Variants in IL1F10 observed in about 807,000 individuals in gnomAD.
IL1F10 encodes interleukin-1 family member 10.
Under a neutral mutation model 13.1 loss-of-function variants are expected in IL1F10, and 13 were observed. The ratio of observed to expected loss-of-function variants is 0.99; its 90% CI spans 0.64 to 1.57. The LOEUF (loss-of-function observed/expected upper bound fraction) is 1.57, where lower values mean the gene tolerates loss of function less well. Among genes scored for constraint, IL1F10 ranks in the 40% most tolerant of loss-of-function variants. IL1F10 has a pLI of 0.00. For synonymous variants in IL1F10, 78 were observed against 68.2 expected (o/e 1.14, Z -0.71); for missense variants, 191 against 184.1 (o/e 1.04, Z -0.22).
Position 113,075,254 on chromosome 2 carries a change from T to C in IL1F10, c.349T>C (p.Trp117Arg), listed in dbSNP as rs1320417651. Residue 117 changes from tryptophan (W) to arginine (R), a missense_variant, in exon 5 of 5, where the codon TGG (tryptophan) becomes CGG (arginine). Coordinates refer to ENST00000341010, the MANE Select transcript of IL1F10 (RefSeq NM_173161.3). ...GSAFRLEAAA[W>R]PGWFLCGPAE... ...CGCCTTCAGGCTTGAGGCTGCTGCC[T>C]GGCCTGGCTGGTTCCTGTGTGGCCC... is the stretch of plus-strand genomic sequence containing the variant. The C allele has an allele frequency of 1.2e-6, 2 of 1,613,766 alleles. No individual in the cohort carries two copies. Among genetic ancestry groups the C allele is most frequent in the South Asian group, 1.1e-5 (1 of 91,028 alleles).
At chr2:113,071,864 G>A (rs959272993) in intron 1 of IL1F10, among the ~76,000 whole-genome samples, 1 of 151,788 alleles carries the variant, frequency 6.6e-6, no homozygotes, top group Admixed American at 6.6e-5. Flanking sequence ...AGATCTACTC[G>A]GTAAACCTCA....
Position 113,072,606 on chromosome 2 carries a change from G to A in IL1F10, c.-28-105G>A, listed in dbSNP as rs1038854809. On this transcript the variant is annotated intron_variant, in intron 1 of 4. Coordinates refer to ENST00000341010, the MANE Select transcript of IL1F10 (RefSeq NM_173161.3). ...CAGGCCAATTATAGACGAATGGCCT[G>A]GGGAACCCGTGCAGCCCTTGGCTGA... 3 of 707,058 alleles carry A rather than the reference G, an allele frequency of 4.2e-6. No individual in the cohort carries two copies. In the African/African-American group the frequency reaches 5.4e-5, roughly 13 times the overall value. The allele number at this position is 707,058 out of a possible 1,614,324, so 43.8% of individuals were successfully genotyped here. A position where few individuals can be genotyped will look rare whatever the true frequency, so the allele number is the denominator to read the frequency against.
In IL1F10 at chr2:113,074,861, T is replaced by C; in HGVS notation, c.246+11T>C. On this transcript the variant is annotated intron_variant, in intron 4 of 4. Transcript: ENST00000341010. The stretch of plus-strand genomic sequence containing the variant: ...TCCCTACAGCTGGAGGTGAGAGGCC[T>C]CTCCCCATTCTAGGGGACACTGCAG... 6.2e-7 allele frequency: 1 copy of C among 1,610,580 alleles called. No individual in the cohort carries two copies. Among genetic ancestry groups the C allele is most frequent in the Admixed American group, 1.7e-5 (1 of 59,642 alleles).
chr2:113,074,880 A>C, intron 4 of IL1F10, 30 bp downstream of exon 4: 5 of 1,606,406 alleles, frequency 3.1e-6, no homozygotes, highest in Non-Finnish European at 4.2e-6. Flanking sequence ...TCTAGGGGAC[A>C]CTGCAGACCT....
In IL1F10 at chr2:113,074,853, G is replaced by A. The variant is rs888186996; in HGVS notation, c.246+3G>A. 1 of 1,611,500 alleles carries A rather than the reference G, an allele frequency of 6.2e-7. No homozygotes were observed. Among genetic ancestry groups the A allele is most frequent in the East Asian group, 2.2e-5 (1 of 44,872 alleles). ...AGGGGCCTTCCCTACAGCTGGAGGTGAGAGGCCTCTCCCCATTCTAGGGGA... is the reference window on the plus strand; with the variant it reads ...AGGGGCCTTCCCTACAGCTGGAGGTAAGAGGCCTCTCCCCATTCTAGGGGA... On this transcript the variant is annotated splice_donor_region_variant and intron_variant, in intron 4 of 4. Transcript: ENST00000341010.
chr2:113,074,560 G>A, intron 3 of IL1F10, 146 bp downstream of exon 3: 2 of 1,090,144 alleles, frequency 1.8e-6, no homozygotes, highest in Non-Finnish European at 2.8e-6. Context: ...TCCTAGCGAG[G>A]GGACATGACT....
chr2:113,071,977 G>A (rs1399000045), intron 1 of IL1F10, among the ~76,000 whole-genome samples: 1 of 152,128 alleles, frequency 6.6e-6, no homozygotes, highest in African/African-American at 2.4e-5. Context: ...TCCAATGGGT[G>A]TTCATTTTAG....
chr2:113,074,567 G>C, intron 3 of IL1F10, 153 bp downstream of exon 3: 2 of 1,107,880 alleles, frequency 1.8e-6, no homozygotes, highest in South Asian at 1.2e-5. Context: ...GAGGGGACAT[G>C]ACTCCTGCAG....
chr2:113,075,167 G>C lies in IL1F10; in HGVS notation c.262G>C (p.Glu88Gln). 6.2e-7 allele frequency: 1 copy of C among 1,607,626 alleles called. No homozygotes were observed. The highest frequency in any genetic ancestry group is 8.5e-7 in the Non-Finnish European group (1 of 1,176,158). ...GCCCCCACAGGATGTGAACATTGAG[G>C]AACTGTACAAAGGTGGTGAAGAGGC... is the stretch of plus-strand genomic sequence containing the variant. ...SLQLEDVNIE[E>Q]LYKGGEEATR... The change falls in exon 5 of 5, where the codon GAA (glutamate) becomes CAA (glutamine). Residue 88 changes from glutamate to glutamine, a missense_variant. Glu to Gln is a conservative substitution (Grantham distance 29). Coordinates refer to ENST00000341010, the MANE Select transcript of IL1F10 (RefSeq NM_173161.3).
rs1685904400 is a variant in IL1F10 at position 113,074,707 on chromosome 2, C to T, written c.119-16C>T. The T allele has an allele frequency of 6.2e-7, 1 of 1,613,146 alleles. No homozygotes were observed. The highest frequency in any genetic ancestry group is 1.3e-5 in the African/African-American group (1 of 74,918). On this transcript the variant is annotated splice_polypyrimidine_tract_variant and intron_variant, in intron 3 of 4. Transcript: ENST00000341010. ...GGTTCCCTTGTCCCTTGACTCTTCT[C>T]TCTCTTCCCTCCTAGAGAAGATCTG...
chr2:113,074,489 G>A, intron 3 of IL1F10, 75 bp downstream of exon 3: 1 of 1,279,034 alleles, frequency 7.8e-7, no homozygotes, highest in Non-Finnish European at 1.1e-6. Context: ...TTCCTCCCCA[G>A]CAGAGGGTCA....
chr2:113,069,244 G>A (rs962597328), intron 1 of IL1F10, among the ~76,000 whole-genome samples: 1 of 152,170 alleles, frequency 6.6e-6, no homozygotes, highest in African/African-American at 2.4e-5. Context: ...GAAAATCAGT[G>A]CCAGACGGTG....
chr2:113,074,283 T>A lies in IL1F10; in HGVS notation c.33-46T>A, dbSNP rs1685894054. ...GGAAGTGGAAGGGCTTGGGGGCCAG[T>A]GGTGCATAAAGGGAATGGGCCATCA... On this transcript the variant is annotated intron_variant, in intron 2 of 4. Coordinates refer to ENST00000341010, the MANE Select transcript of IL1F10 (RefSeq NM_173161.3). 2.4e-6 allele frequency: 3 copies of A among 1,224,714 alleles called. No homozygotes were observed. The South Asian group carries it at 3.6e-5, about 15-fold the overall frequency. The allele number at this position is 1,224,714 out of a possible 1,614,324, so 75.9% of individuals were successfully genotyped here.
chr2:113,074,613 C>T, intron 3 of IL1F10, 110 bp from the exon 4 acceptor site: 1 of 1,391,100 alleles, frequency 7.2e-7, no homozygotes, highest in Non-Finnish European at 1.0e-6. Context: ...CATGCAGGGC[C>T]AGGCCAGGTG....
intron 1 of IL1F10, among the ~76,000 whole-genome samples, chr2:113,071,254 TATA>T (rs1244319000): frequency 5.3e-5 from 8 of 152,234 alleles, no homozygotes; most frequent in African/African-American, 1.9e-4. Flanking sequence ...AACAAGCTTC[TATA>T]ATATCATCTT....
intron 2 of IL1F10, among the ~76,000 whole-genome samples, chr2:113,073,830 G>C (rs149174393): frequency 1.0e-3 from 156 of 152,270 alleles, no homozygotes; most frequent in Admixed American, 2.3e-3. Flanking sequence ...CTAGGTGACT[G>C]AGCTAATACC....
chr2:113,074,878 A>G (rs2105079945), intron 4 of IL1F10, 28 bp downstream of exon 4: 3 of 1,607,318 alleles, frequency 1.9e-6, no homozygotes, highest in Non-Finnish European at 2.5e-6. Flanking sequence ...ATTCTAGGGG[A>G]CACTGCAGAC....
chr2:113,075,083 C>A, intron 4 of IL1F10, 69 bp from the exon 5 acceptor site: 1 of 1,450,906 alleles, frequency 6.9e-7, no homozygotes, highest in Non-Finnish European at 9.4e-7. Flanking sequence ...TGGCCAAGCC[C>A]CAGAGGCCTC....
chr2:113,075,294 A>C lies in IL1F10; in HGVS notation c.389A>C (p.Gln130Pro). The change falls in exon 5 of 5, where the codon CAG becomes CCG. Residue 130 changes from glutamine (Q) to proline (P), a missense_variant. Coordinates refer to ENST00000341010, the MANE Select transcript of IL1F10 (RefSeq NM_173161.3). ...WFLCGPAEPQ[Q>P]PVQLTKESEP... Reference sequence around the variant, plus strand: ...CTGTGTGGCCCGGCAGAGCCCCAGCAGCCAGTACAGCTCACCAAGGAGAGT... The same window carrying C: ...CTGTGTGGCCCGGCAGAGCCCCAGCCGCCAGTACAGCTCACCAAGGAGAGT... 1.2e-6 allele frequency: 2 copies of C among 1,609,702 alleles called. No homozygotes were observed. The highest frequency in any genetic ancestry group is 2.2e-5 in the East Asian group (1 of 44,704).
Sources: gnomAD v4.1 joint callset for allele counts (sites outside exome capture counted in the v4.1 genomes callset) on GRCh38, gnomAD v4.1.1 for gene constraint, MANE v1.5 for transcripts, NCBI Gene and HGNC (gene_info 2026-07-23, HGNC 2026-07-21) for gene names.